The following RPL10 variants were observed in gnomAD, a reference collection of about 807,000 sequenced individuals.
The protein encoded by RPL10 is large ribosomal subunit protein uL16.
RPL10 carries 1 observed loss-of-function variant against 15.7 expected under a neutral mutation model. The observed-to-expected ratio is 0.06, with a 90% CI of 0.02 to 0.30. RPL10 has a LOEUF of 0.30. RPL10 is among the 10% of genes least tolerant of loss of function. RPL10 has a pLI of 1.00. For synonymous variants in RPL10, 59 were observed against 64.0 expected (o/e 0.92, Z 0.37); for missense variants, 54 against 183.4 (o/e 0.29, Z 4.08).
At chrX:154,400,093 G>A in intron 5 of RPL10, 152 bp downstream of exon 5, 1 of 664,734 alleles carries the variant, frequency 1.5e-6, no homozygotes, top group East Asian at 3.4e-5. Context: ...GGTCACTCAG[G>A]ACCCCTTCCT....
In RPL10 at chrX:154,402,309, C is replaced by T. The variant is rs2068059094; in HGVS notation, c.*1455C>T. 6.8e-6 allele frequency: 1 copy of T among 146,908 alleles called. No homozygotes were observed. Among genetic ancestry groups the T allele is most frequent in the Non-Finnish European group, 1.3e-5 (1 of 75,535 alleles). 12.1% of individuals were successfully genotyped at this position (146,908 alleles called of 1,213,427 possible). A position where few individuals can be genotyped will look rare whatever the true frequency, so the allele number is the denominator to read the frequency against. On this transcript the variant is annotated 3_prime_UTR_variant, in exon 7 of 7. Transcript: ENST00000369817. ...GGTTTCCTGGTGATTCTTACCAATC[C>T]ACAATAAACATGGCCCATTGGCATA...
At chrX:154,399,016 A>G (rs1279774629) in intron 2 of RPL10, 22 of 396,022 alleles carry the variant, frequency 5.6e-5, no homozygotes, top group South Asian at 4.5e-4. Flanking sequence ...GAGCTGTGCA[A>G]TGATAATGCG....
In RPL10 at chrX:154,401,118, G is replaced by A; in HGVS notation, c.*264G>A. ...GACCTCCCCAGGTCCTAGGCAGTAG[G>A]TTGAAAAACACTGAAGTGCTTTTCA... On this transcript the variant is annotated 3_prime_UTR_variant, in exon 7 of 7. Coordinates refer to ENST00000369817, the MANE Select transcript of RPL10 (RefSeq NM_006013.5). 2.9e-6 allele frequency: 2 copies of A among 694,038 alleles called. No individual in the cohort carries two copies. The highest frequency in any genetic ancestry group is 2.0e-6 in the Non-Finnish European group (1 of 492,433). The allele number at this position is 694,038 out of a possible 1,213,427, so 57.2% of individuals were successfully genotyped here. A position where few individuals can be genotyped will look rare whatever the true frequency, so the allele number is the denominator to read the frequency against.
Position 154,401,624 on chromosome X carries a change from G to C in RPL10, c.*770G>C, listed in dbSNP as rs2068037310. Reference sequence around the variant, plus strand: ...AAATGAGAGGAGTGCTAGGTGGGTGGCCTGAGCATCTGTATCCAGGGACAG... The same window carrying C: ...AAATGAGAGGAGTGCTAGGTGGGTGCCCTGAGCATCTGTATCCAGGGACAG... On this transcript the variant is annotated 3_prime_UTR_variant, in exon 7 of 7. Transcript: ENST00000369817. 1 of 111,697 alleles carries C rather than the reference G, an allele frequency of 9.0e-6. No homozygotes were observed. Among genetic ancestry groups the C allele is most frequent in the Non-Finnish European group, 1.9e-5 (1 of 53,194 alleles). The allele number at this position is 111,697 out of a possible 1,213,427, so 9.2% of individuals were successfully genotyped here.
At chrX:154,398,889 C>T in intron 2 of RPL10, 2 of 368,793 alleles carry the variant, frequency 5.4e-6, no homozygotes, top group Non-Finnish European at 9.9e-6. Flanking sequence ...GAAGGGCAGT[C>T]CGGGAAAAAC....
intron 2 of RPL10, 121 bp from the exon 3 acceptor site, chrX:154,399,217 A>G: frequency 1.4e-6 from 1 of 693,565 alleles, no homozygotes; most frequent in Non-Finnish European, 2.4e-6. Flanking sequence ...AACGGTTTAG[A>G]AGTGGACGTG....
In RPL10 at chrX:154,398,406, C is replaced by G. The variant is rs782739404; in HGVS notation, c.-24+12C>G. 1 of 939,461 alleles carries G rather than the reference C, an allele frequency of 1.1e-6. No individual in the cohort carries two copies. The highest frequency in any genetic ancestry group is 1.5e-6 in the Non-Finnish European group (1 of 650,216). 77.4% of individuals were successfully genotyped at this position (939,461 alleles called of 1,213,427 possible). On this transcript the variant is annotated intron_variant, in intron 1 of 6. Transcript: ENST00000369817. ...TTCCCTTCGGTGTGGTGAGTAAGCG[C>G]AGTTGTCGTCTCTTGCGGTGCCGTT...
Position 154,398,385 on chromosome X carries a change from C to T in RPL10, c.-33C>T, listed in dbSNP as rs374686523. 11 of 818,237 alleles carry T rather than the reference C, an allele frequency of 1.3e-5. No homozygotes were observed. The highest frequency in any genetic ancestry group is 6.0e-5 in the African/African-American group (3 of 50,085). 67.4% of individuals were successfully genotyped at this position (818,237 alleles called of 1,213,427 possible). A position where few individuals can be genotyped will look rare whatever the true frequency, so the allele number is the denominator to read the frequency against. The stretch of plus-strand genomic sequence containing the variant: ...CGCAGGCGGAGGAGCGCCTCTTTCC[C>T]TTCGGTGTGGTGAGTAAGCGCAGTT... On this transcript the variant is annotated 5_prime_UTR_variant, in exon 1 of 7. Transcript: ENST00000369817.
At chrX:154,399,631 T>G (rs782496242) in intron 4 of RPL10, 37 bp downstream of exon 4, 1 of 1,176,942 alleles carries the variant, frequency 8.5e-7, no homozygotes, top group Non-Finnish European at 1.2e-6. Context: ...CCCCCAGTCC[T>G]TCCTCCGTGC....
chrX:154,402,330 G>A lies in RPL10; in HGVS notation c.*1476G>A, dbSNP rs190646141. 1.9e-5 allele frequency: 3 copies of A among 161,531 alleles called. No individual in the cohort carries two copies. In the East Asian group the frequency reaches 4.9e-4, roughly 26 times the overall value. 13.3% of individuals were successfully genotyped at this position (161,531 alleles called of 1,213,427 possible). ...AATCCACAATAAACATGGCCCATTG[G>A]CATATCTGCTGCACAAGTGTCCTAT... On this transcript the variant is annotated 3_prime_UTR_variant, in exon 7 of 7. Coordinates refer to ENST00000369817, the MANE Select transcript of RPL10 (RefSeq NM_006013.5).
At chrX:154,399,447 C>G (rs782051285) in intron 3 of RPL10, 40 bp from the exon 4 acceptor site, 1 of 1,207,663 alleles carries the variant, frequency 8.3e-7, no homozygotes. Context: ...ACTCCGCGTC[C>G]GTCTGTGACA....
In RPL10 at chrX:154,400,630, T is replaced by C. The variant is rs782342444; in HGVS notation, c.492+4T>C. The C allele has an allele frequency of 1.7e-6, 2 of 1,211,155 alleles. No homozygotes were observed. Among genetic ancestry groups the C allele is most frequent in the East Asian group, 3.0e-5 (1 of 33,818 alleles). On this transcript the variant is annotated splice_donor_region_variant and intron_variant, in intron 6 of 6. Transcript: ENST00000369817. ...CAAGTTTCCTGGCCGCCAGAAGGTATGTAGTGCTGCAGCCCCCTTCTCCCA... is the reference window on the plus strand; with the variant it reads ...CAAGTTTCCTGGCCGCCAGAAGGTACGTAGTGCTGCAGCCCCCTTCTCCCA...
chrX:154,398,373 G>T (rs782661383), upstream of RPL10: 17 of 724,846 alleles, frequency 2.3e-5, no homozygotes, highest in East Asian at 4.8e-4. Flanking sequence ...AGGCGGAGGA[G>T]CGCCTCTTTC....
At chrX:154,398,306 C>G (rs186622975), upstream of RPL10, 1 of 555,371 alleles carries the variant, frequency 1.8e-6, no homozygotes, top group Non-Finnish European at 3.2e-6. Context: ...CACCCGTCTT[C>G]GACAGGACTC....
chrX:154,399,690 A>C, intron 4 of RPL10, 96 bp downstream of exon 4: 1 of 1,165,127 alleles, frequency 8.6e-7, no homozygotes, highest in Non-Finnish European at 1.2e-6. Flanking sequence ...GAGTTGATGA[A>C]ACATGAGCCT....
Position 154,400,001 on chromosome X carries a change from AT to A in RPL10, c.329+64del, listed in dbSNP as rs2067994137. 5.9e-6 allele frequency: 7 copies of A among 1,179,762 alleles called. No homozygotes were observed. The Admixed American group carries it at 1.6e-4, about 26-fold the overall frequency. On this transcript the variant is annotated intron_variant, in intron 5 of 6. Coordinates refer to ENST00000369817, the MANE Select transcript of RPL10 (RefSeq NM_006013.5). ...GTCTCTACATTATTAGGCTTGCATT[AT>A]TTTATCAGAGCATAGAGGTGGCCCC...
At chrX:154,399,088 A>G (rs1256039044) in intron 2 of RPL10, 5 of 451,680 alleles carry the variant, frequency 1.1e-5, no homozygotes, top group Non-Finnish European at 2.0e-5. Context: ...TTTGTTGCAA[A>G]GTGTTTATAG....
At chrX:154,400,125 G>GT in intron 5 of RPL10, 184 bp downstream of exon 5, 1 of 573,029 alleles carries the variant, frequency 1.7e-6, no homozygotes, top group Admixed American at 2.5e-5. Context: ...CAAAGCATGA[G>GT]TAAGTCTTAG....
Position 154,401,814 on chromosome X carries a change from ATTT to A in RPL10, c.*968_*970del, listed in dbSNP as rs34768106. On this transcript the variant is annotated 3_prime_UTR_variant, in exon 7 of 7. Transcript: ENST00000369817. ...CCAAACATACCTGGGAATACCTTTT[ATTT>A]TTTTTTTACCTTGGGGTGATGGTTC... The A allele has an allele frequency of 9.4e-6, 1 of 106,894 alleles. No individual in the cohort carries two copies. The highest frequency in any genetic ancestry group is 3.4e-5 in the African/African-American group (1 of 29,063). 8.8% of individuals were successfully genotyped at this position (106,894 alleles called of 1,213,427 possible). A position where few individuals can be genotyped will look rare whatever the true frequency, so the allele number is the denominator to read the frequency against.
Sources: allele counts gnomAD v4.1 joint callset, GRCh38; gene constraint gnomAD v4.1.1; transcripts MANE v1.5; gene names NCBI Gene and HGNC (gene_info 2026-07-23, HGNC 2026-07-21).